NDRG2: variants seen among roughly 807,000 people sequenced by gnomAD.
The protein encoded by NDRG2 is protein NDRG2.
NDRG2 carries 34 observed loss-of-function variants against 58.2 expected under a neutral mutation model. The ratio of observed to expected loss-of-function variants is 0.58; its 90% CI spans 0.44 to 0.78. NDRG2 has a LOEUF of 0.78. Ranked by LOEUF, NDRG2 falls within the 30% of genes least tolerant of loss-of-function variation. NDRG2 has a pLI of 0.00. For missense variants in NDRG2, 434 were observed against 471.2 expected, an observed-to-expected ratio of 0.92 and a Z score of 0.73; for synonymous variants, 187 against 175.9, an observed-to-expected ratio of 1.06 and a Z score of -0.50.
intron 1 of NDRG2, chr14:21,043,439 T>G: frequency 6.2e-7 from 1 of 1,603,882 alleles, no homozygotes; most frequent in South Asian, 1.1e-5. Flanking sequence ...ACCTGGTTCC[T>G]GTACACTTGG....
chr14:21,018,325 T>C, intron 13 of NDRG2, 86 bp from the exon 14 acceptor site: 1 of 1,604,906 alleles, frequency 6.2e-7, no homozygotes, highest in Non-Finnish European at 8.5e-7. Flanking sequence ...CTTCCCTAGC[T>C]TCTTCACTCT....
At chr14:21,063,684 G>T (rs1347197456) in intron 1 of NDRG2, among the ~76,000 whole-genome samples, 1 of 152,192 alleles carries the variant, frequency 6.6e-6, no homozygotes, top group Non-Finnish European at 1.5e-5. Context: ...CTGCCAATGA[G>T]AGCTGAGGCC....
intron 1 of NDRG2, among the ~76,000 whole-genome samples, chr14:21,039,334 G>A (rs554605655): frequency 4.6e-5 from 7 of 152,336 alleles, no homozygotes; most frequent in Admixed American, 6.5e-5. Context: ...AAGTGACTTC[G>A]ACGATAGAAT....
intron 1 of NDRG2, among the ~76,000 whole-genome samples, chr14:21,060,895 A>C (rs74036579): frequency 0.063 from 9,631 of 152,278 alleles, 956 homozygotes; most frequent in African/African-American, 0.21. Context: ...TCAAGAGGAC[A>C]TAAAAGTTAC....
chr14:21,043,018 G>A, intron 1 of NDRG2: 1 of 1,613,922 alleles, frequency 6.2e-7, no homozygotes, highest in Non-Finnish European at 8.5e-7. Flanking sequence ...GCAGGATTCT[G>A]CCCCCTTCTG....
chr14:21,033,710 A>C (rs761853336), intron 1 of NDRG2: 2 of 815,694 alleles, frequency 2.5e-6, no homozygotes, highest in Non-Finnish European at 4.3e-6. Context: ...TTGGGAGGGG[A>C]CCCTGCCTGC....
At chr14:21,025,744 CG>C, upstream of NDRG2, 1 of 135,758 alleles carries the variant, frequency 7.4e-6, no homozygotes, top group Non-Finnish European at 9.7e-6. This position sits in a 1 kb window ranked among gnomAD's most constrained non-coding sequence, Gnocchi z 5.1. Flanking sequence ...GACAACAAGG[CG>C]GGGAGGTGGG....
chr14:21,022,904 T>C lies in NDRG2; in HGVS notation c.77A>G (p.Glu26Gly), dbSNP rs140462566. The change falls in exon 3 of 16, where the codon GAG becomes GGG. Residue 26 changes from glutamate (E) to glycine (G), a missense_variant and splice_region_variant. By Grantham distance (98) the Glu-to-Gly change is moderately conservative (BLOSUM62 -2). Transcript: ENST00000556147. ...GAGGATTCGGGCAGCTAACTCAGCC[T>C]CCTGGAGAGACACACACGGATTCAC... ...LPGQTPEAAK[E>G]AELAARILLD... 3.1e-4 allele frequency: 506 copies of C among 1,614,010 alleles called. No homozygotes were observed. The African/African-American group carries it at 6.2e-3, about 20-fold the overall frequency.
intron 1 of NDRG2, 80 bp from the exon 2 acceptor site, chr14:21,023,401 C>G: frequency 7.7e-7 from 1 of 1,303,970 alleles, no homozygotes; most frequent in Non-Finnish European, 1.1e-6. Context: ...CCTCTCTCAG[C>G]ACAGGAAGAT....
chr14:21,020,724 C>T, intron 7 of NDRG2, 60 bp downstream of exon 7: 1 of 1,606,028 alleles, frequency 6.2e-7, no homozygotes, highest in Non-Finnish European at 8.5e-7. Flanking sequence ...CACTAATAAA[C>T]AGTATTCTCC....
At position 21,016,798 on chromosome 14, in the gene NDRG2, T is replaced by C. The variant is rs1019688936; in HGVS notation, c.*798A>G. The C allele has an allele frequency of 7.3e-5, 33 of 450,914 alleles. No homozygotes were observed. Among genetic ancestry groups the C allele is most frequent in the Non-Finnish European group, 1.3e-4 (28 of 222,802 alleles). The allele number at this position is 450,914 out of a possible 1,614,324, so 27.9% of individuals were successfully genotyped here. On this transcript the variant is annotated 3_prime_UTR_variant, in exon 16 of 16. Coordinates refer to ENST00000556147, the MANE Select transcript of NDRG2 (RefSeq NM_001320329.2). ...CAGATTCCTCTACAGTTTATTGTTA[T>C]AGCAGAAGTTGTGGGAGACGGGAGG...
At chr14:21,052,421 C>T (rs963806244) in intron 1 of NDRG2, among the ~76,000 whole-genome samples, 1 of 152,086 alleles carries the variant, frequency 6.6e-6, no homozygotes, top group Non-Finnish European at 1.5e-5. Context: ...CGGCAAGGTT[C>T]GTAAATGTGA....
intron 1 of NDRG2, 142 bp from the exon 2 acceptor site, chr14:21,023,463 G>A (rs1881967846): frequency 3.0e-6 from 2 of 675,240 alleles, no homozygotes; most frequent in Non-Finnish European, 5.1e-6. Flanking sequence ...ACACACAGAG[G>A]GCCTTTCCTG....
At chr14:21,022,306 C>G (rs1880936730) in intron 4 of NDRG2, 86 bp downstream of exon 4, 1 of 1,568,622 alleles carries the variant, frequency 6.4e-7, no homozygotes, top group Non-Finnish European at 8.8e-7. Flanking sequence ...CCCACACTGA[C>G]CCCTCCCCTC....
At chr14:21,022,803 CCTT>C in intron 3 of NDRG2, 58 bp downstream of exon 3, 1 of 1,553,356 alleles carries the variant, frequency 6.4e-7, no homozygotes, top group Non-Finnish European at 8.8e-7. Flanking sequence ...CAGAGGCCAT[CCTT>C]CTACTGGGGA....
intron 1 of NDRG2, among the ~76,000 whole-genome samples, chr14:21,039,705 G>A (rs797020889): frequency 5.7e-4 from 87 of 152,320 alleles, no homozygotes; most frequent in African/African-American, 1.9e-3. Flanking sequence ...TGAATTGCAC[G>A]TATGGTAGGT....
At chr14:21,042,953 C>G in intron 1 of NDRG2, 1 of 1,561,622 alleles carries the variant, frequency 6.4e-7, no homozygotes. Context: ...TCTGTCCCAG[C>G]GACCCCTGCC....
upstream of NDRG2, chr14:21,029,119 G>A (rs1017074223): frequency 6.6e-6 from 1 of 152,152 alleles, no homozygotes; most frequent in East Asian, 1.9e-4. Flanking sequence ...ATACTCCAAG[G>A]CTTGCTGGGC....
intron 1 of NDRG2, among the ~76,000 whole-genome samples, chr14:21,067,088 A>G (rs896551912): frequency 6.6e-6 from 1 of 152,158 alleles, no homozygotes; most frequent in Non-Finnish European, 1.5e-5. Context: ...TGAGCAGCCT[A>G]AAACCCCAAC....
Sources: gnomAD v4.1 joint callset for allele counts (sites outside exome capture counted in the v4.1 genomes callset) on GRCh38, gnomAD v4.1.1 for gene constraint, Gnocchi (gnomAD v3.1) non-coding constraint, MANE v1.5 for transcripts, NCBI Gene and HGNC (gene_info 2026-07-23, HGNC 2026-07-21) for gene names.